Variants in RNGTT observed in about 807,000 individuals in gnomAD.
The protein encoded by RNGTT is RNA guanylyltransferase and 5'-phosphatase, also known as mRNA-capping enzyme.
In RNGTT, 33 loss-of-function variants were observed where a neutral mutation model predicts 79.3. That is an observed-to-expected ratio of 0.42 (90% CI 0.32 to 0.56). The LOEUF (loss-of-function observed/expected upper bound fraction) is 0.56, where lower values mean the gene tolerates loss of function less well. Among genes scored for constraint, RNGTT ranks in the 20% least tolerant of loss-of-function variants. RNGTT has a pLI of 0.17. For synonymous variants in RNGTT, 222 were observed against 235.9 expected (o/e 0.94, Z 0.54); for missense variants, 497 against 739.1 (o/e 0.67, Z 3.80).
chr6:88,748,599 AT>A, intron 13 of RNGTT, among the ~76,000 whole-genome samples: 1 of 152,180 alleles, frequency 6.6e-6, no homozygotes, highest in Non-Finnish European at 1.5e-5. Flanking sequence ...TAATTTACTT[AT>A]TTGTTATGTT....
At chr6:88,836,297 T>A (rs1011338071) in intron 11 of RNGTT, among the ~76,000 whole-genome samples, 2 of 151,078 alleles carry the variant, frequency 1.3e-5, no homozygotes, top group African/African-American at 4.9e-5. Context: ...CAGATAATAT[T>A]CTCTCATGTC....
At chr6:88,857,681 G>A (rs1781884256) in intron 8 of RNGTT, among the ~76,000 whole-genome samples, 1 of 151,828 alleles carries the variant, frequency 6.6e-6, no homozygotes. Context: ...ATATTTAGTG[G>A]GAAAAAAGCA....
At chr6:88,720,825 C>T (rs1230633605) in intron 13 of RNGTT, among the ~76,000 whole-genome samples, 1 of 152,066 alleles carries the variant, frequency 6.6e-6, no homozygotes, top group Non-Finnish European at 1.5e-5. Flanking sequence ...AGGGTTAAGG[C>T]ACGTTCTAGC....
rs1773789190 is a variant in RNGTT, at chr6:88,651,298, GTAAC to G, written c.1506+27051_1506+27054del. Among the ~76,000 whole-genome samples the G allele has an allele frequency of 2.0e-5, 3 of 152,212 alleles. No individual in the cohort carries two copies. The South Asian group carries it at 6.2e-4, about 32-fold the overall frequency. On this transcript the variant is annotated intron_variant, in intron 14 of 15. Coordinates refer to ENST00000369485, the MANE Select transcript of RNGTT (RefSeq NM_003800.5). Reference sequence around the variant, plus strand: ...ATATGACAATAATGCAATAGAAACAGTAACTAATTACTTCAAAATAGTATACAGA... The same window carrying G: ...ATATGACAATAATGCAATAGAAACAGTAATTACTTCAAAATAGTATACAGA...
At chr6:88,918,570 G>A (rs941995574) in intron 4 of RNGTT, among the ~76,000 whole-genome samples, 1 of 151,962 alleles carries the variant, frequency 6.6e-6, no homozygotes, top group African/African-American at 2.4e-5. Context: ...TAATAGAAAC[G>A]ATATAAGTGA....
chr6:88,651,078 A>G (rs1582280507), intron 14 of RNGTT, among the ~76,000 whole-genome samples: 1 of 152,028 alleles, frequency 6.6e-6, no homozygotes, highest in Non-Finnish European at 1.5e-5. Context: ...TATAACTTTG[A>G]GCTCTCTTTA....
At chr6:88,836,402 A>G (rs1219488256) in intron 11 of RNGTT, among the ~76,000 whole-genome samples, 1 of 152,104 alleles carries the variant, frequency 6.6e-6, no homozygotes, top group Non-Finnish European at 1.5e-5. Flanking sequence ...GGAAAGATGA[A>G]AAAATAAACC....
intron 1 of RNGTT, among the ~76,000 whole-genome samples, chr6:88,948,554 G>A (rs1306195991): frequency 1.2e-4 from 18 of 148,466 alleles, no homozygotes; most frequent in Admixed American, 3.3e-4. Flanking sequence ...CTGCCCAGCC[G>A]CCCCTACTGG....
chr6:88,880,878 A>T (rs1191262517), intron 8 of RNGTT, among the ~76,000 whole-genome samples: 2 of 152,186 alleles, frequency 1.3e-5, no homozygotes, highest in East Asian at 3.9e-4. Flanking sequence ...AAAATCTGCT[A>T]ATAAACTAAG....
chr6:88,777,024 T>G (rs1202601406), intron 12 of RNGTT, among the ~76,000 whole-genome samples: 1 of 152,210 alleles, frequency 6.6e-6, no homozygotes, highest in Non-Finnish European at 1.5e-5. Flanking sequence ...AAGTGGATTT[T>G]TGTGTATGGT....
intron 13 of RNGTT, among the ~76,000 whole-genome samples, chr6:88,757,631 C>A (rs1299707778): frequency 2.0e-5 from 3 of 152,046 alleles, no homozygotes; most frequent in Non-Finnish European, 4.4e-5. Flanking sequence ...CCAGAAAAGA[C>A]AACATATGAT....
At chr6:88,683,053 ATGAGT>A (rs1304951098) in intron 13 of RNGTT, among the ~76,000 whole-genome samples, 3 of 152,206 alleles carry the variant, frequency 2.0e-5, no homozygotes, top group African/African-American at 7.2e-5. Flanking sequence ...ATAGAAATTG[ATGAGT>A]TAAGTATCCA....
intron 12 of RNGTT, among the ~76,000 whole-genome samples, chr6:88,786,177 T>C (rs1415892662): frequency 6.6e-6 from 1 of 152,176 alleles, no homozygotes; most frequent in Admixed American, 6.5e-5. Flanking sequence ...GATAGATTAA[T>C]GGCATACAAT....
intron 7 of RNGTT, among the ~76,000 whole-genome samples, chr6:88,890,890 C>T (rs780174297): frequency 3.3e-5 from 5 of 152,102 alleles, no homozygotes; most frequent in Non-Finnish European, 2.9e-5. Flanking sequence ...GGTATGTTTA[C>T]AAGTCTTGTA....
chr6:88,702,139 C>A (rs757449910), intron 13 of RNGTT, among the ~76,000 whole-genome samples: 2 of 152,210 alleles, frequency 1.3e-5, no homozygotes, highest in Non-Finnish European at 2.9e-5. Context: ...GGCCATACTG[C>A]CCAAAATAAT....
chr6:88,873,106 GA>G (rs1782407323), intron 8 of RNGTT, among the ~76,000 whole-genome samples: 1 of 152,048 alleles, frequency 6.6e-6, no homozygotes, highest in South Asian at 2.1e-4. Flanking sequence ...AAAAGAAACT[GA>G]ACCAAATGGG....
At chr6:88,879,436 G>A (rs1274863019) in intron 8 of RNGTT, among the ~76,000 whole-genome samples, 1 of 152,102 alleles carries the variant, frequency 6.6e-6, no homozygotes, top group Non-Finnish European at 1.5e-5. Context: ...AGCAAATACA[G>A]AAGCTGCCTA....
intron 11 of RNGTT, among the ~76,000 whole-genome samples, chr6:88,802,827 T>C (rs983139886): frequency 3.3e-5 from 5 of 152,140 alleles, no homozygotes; most frequent in African/African-American, 1.2e-4. Context: ...ACGAATCAAT[T>C]ACTTCCCACC....
At chr6:88,627,227 G>T (rs1772668015) in intron 14 of RNGTT, among the ~76,000 whole-genome samples, 1 of 151,888 alleles carries the variant, frequency 6.6e-6, no homozygotes, top group Non-Finnish European at 1.5e-5. Context: ...CCTACTTCTG[G>T]CAGTAACAAA....
Sources: gnomAD v4.1 joint callset for allele counts (sites outside exome capture counted in the v4.1 genomes callset) on GRCh38, gnomAD v4.1.1 for gene constraint, MANE v1.5 for transcripts, NCBI Gene and HGNC (gene_info 2026-07-23, HGNC 2026-07-21) for gene names.